Variants in SHANK2 observed in about 807,000 individuals in gnomAD.
The protein encoded by SHANK2 is SH3 and multiple ankyrin repeat domains protein 2.
SHANK2 carries 43 observed loss-of-function variants against 133.7 expected under a neutral mutation model. The ratio of observed to expected loss-of-function variants is 0.32; its 90% confidence interval spans 0.25 to 0.41. The LOEUF (loss-of-function observed/expected upper bound fraction) is 0.41, where lower values mean the gene tolerates loss of function less well. SHANK2 is among the 10% of genes least tolerant of loss of function. The probability of loss-of-function intolerance (pLI) is 1.00; values close to 1 mark genes in which losing one functional copy is unlikely to be tolerated. For missense variants in SHANK2, 1,994 were observed against 2,235.8 expected (o/e 0.89, Z 2.18); for synonymous variants, 1,017 against 952.8 (o/e 1.07, Z -1.24).
intron 14 of SHANK2, among the ~76,000 whole-genome samples, chr11:70,792,422 A>G (rs1947814847): frequency 6.6e-6 from 1 of 151,626 alleles, no homozygotes; most frequent in African/African-American, 2.4e-5. Context: ...CAACCAACCA[A>G]CCAACCAACC....
At chr11:70,756,841 A>T (rs1256447289) in intron 14 of SHANK2, among the ~76,000 whole-genome samples, 1 of 152,200 alleles carries the variant, frequency 6.6e-6, no homozygotes, top group Non-Finnish European at 1.5e-5. Flanking sequence ...CTTTACACAG[A>T]TCTGCAGCTT....
chr11:70,767,170 G>C (rs1449300393), intron 14 of SHANK2, among the ~76,000 whole-genome samples: 1 of 152,200 alleles, frequency 6.6e-6, no homozygotes, highest in Non-Finnish European at 1.5e-5. Context: ...CAAGCAGCTG[G>C]GAGAGCCTCA....
chr11:71,154,841 G>A (rs1173900849), intron 2 of SHANK2, among the ~76,000 whole-genome samples: 1 of 110,338 alleles, frequency 9.1e-6, no homozygotes. Context: ...CGCTCCCAGA[G>A]GAGGGATGGA....
chr11:70,822,933 A>G (rs112066250), intron 11 of SHANK2, among the ~76,000 whole-genome samples: 2 of 64,372 alleles, frequency 3.1e-5, no homozygotes, highest in Non-Finnish European at 2.9e-5. Flanking sequence ...GTCACGGGGG[A>G]CAGAGGTGGC....
At chr11:70,660,051 C>T in intron 16 of SHANK2, 99 bp from the exon 17 acceptor site, 2 of 1,501,556 alleles carry the variant, frequency 1.3e-6, no homozygotes, top group Non-Finnish European at 1.8e-6. Flanking sequence ...AGTGGGCCCA[C>T]TCATCTCCCA....
At chr11:70,483,536 CAAAAAAA>C (rs10590898) in intron 25 of SHANK2, among the ~76,000 whole-genome samples, 5 of 44,516 alleles carry the variant, frequency 1.1e-4, no homozygotes, top group African/African-American at 4.3e-4. Flanking sequence ...TCATCTCTAC[CAAAAAAA>C]AAAAAAAAAA....
At chr11:71,104,457 A>G (rs1297424505) in intron 6 of SHANK2, among the ~76,000 whole-genome samples, 2 of 152,212 alleles carry the variant, frequency 1.3e-5, no homozygotes, top group African/African-American at 4.8e-5. Flanking sequence ...GAGGATGCGT[A>G]TCCGTCCCTT....
In SHANK2 at chr11:70,500,097, G is replaced by A. The variant is rs1026490472; in HGVS notation, c.2308+473C>T. ...CCACACCAGCCCTGGGTGGGGAGGT[G>A]TAGCCAAAGGGCTCACACTGCTCCC... is the stretch of plus-strand genomic sequence containing the variant. On this transcript the variant is annotated intron_variant, in intron 21 of 25. Transcript: ENST00000601538. This position sits in a 1 kb window ranked among gnomAD's most constrained non-coding sequence, Gnocchi z 4.5. Among the ~76,000 whole-genome samples, 1 of 152,170 alleles carries A rather than the reference G, an allele frequency of 6.6e-6. No homozygotes were observed. The highest frequency in any genetic ancestry group is 2.4e-5 in the African/African-American group (1 of 41,450).
chr11:71,087,627 T>G (rs1951436125), intron 8 of SHANK2, among the ~76,000 whole-genome samples: 1 of 151,644 alleles, frequency 6.6e-6, no homozygotes, highest in South Asian at 2.1e-4. Flanking sequence ...TTTAGCTGGT[T>G]TTGTTGTTGT....
At chr11:70,927,919 G>A (rs554931268) in intron 10 of SHANK2, among the ~76,000 whole-genome samples, 4 of 152,220 alleles carry the variant, frequency 2.6e-5, no homozygotes, top group African/African-American at 7.2e-5. Context: ...AACACAAATC[G>A]TTTTCTGCCC....
At chr11:70,885,954 A>G (rs1949736023) in intron 11 of SHANK2, among the ~76,000 whole-genome samples, 1 of 152,236 alleles carries the variant, frequency 6.6e-6, no homozygotes, top group Non-Finnish European at 1.5e-5. Context: ...GGGAGAAAGT[A>G]GGACCACAGC....
intron 17 of SHANK2, among the ~76,000 whole-genome samples, chr11:70,527,432 T>C (rs574160858): frequency 2.8e-4 from 42 of 152,264 alleles, no homozygotes; most frequent in African/African-American, 1.0e-3. Context: ...CCCTGGGGAA[T>C]GGTGTGGGCT....
At chr11:71,128,824 C>T (rs1441824528) in intron 3 of SHANK2, among the ~76,000 whole-genome samples, 5 of 152,186 alleles carry the variant, frequency 3.3e-5, no homozygotes, top group Admixed American at 6.5e-5. Context: ...CTCACTCTTT[C>T]GCCAGGCTGG....
At chr11:71,139,966 C>T (rs1168936704) in intron 3 of SHANK2, among the ~76,000 whole-genome samples, 10 of 152,174 alleles carry the variant, frequency 6.6e-5, no homozygotes, top group African/African-American at 2.4e-4. Flanking sequence ...AAAGGGGCCG[C>T]CCAGGTGCTT....
chr11:71,181,823 C>T (rs576946900), intron 2 of SHANK2, among the ~76,000 whole-genome samples: 14 of 152,110 alleles, frequency 9.2e-5, no homozygotes, highest in East Asian at 7.8e-4. Flanking sequence ...GGTTCCCAGC[C>T]CCCCCTCCCC....
At chr11:71,204,056 C>G (rs943639864) in intron 2 of SHANK2, among the ~76,000 whole-genome samples, 4 of 152,208 alleles carry the variant, frequency 2.6e-5, no homozygotes, top group Admixed American at 2.6e-4. Context: ...AACAGCTTCA[C>G]TAAGGACTCT....
chr11:71,139,688 T>G (rs1952516143), intron 3 of SHANK2, among the ~76,000 whole-genome samples: 1 of 152,150 alleles, frequency 6.6e-6, no homozygotes, highest in African/African-American at 2.4e-5. Context: ...ACTCCACCAC[T>G]GTGCATTTGA....
chr11:70,640,407 C>T (rs1248842881), intron 17 of SHANK2, among the ~76,000 whole-genome samples: 1 of 152,208 alleles, frequency 6.6e-6, no homozygotes, highest in African/African-American at 2.4e-5. Context: ...CCGGAAGAGG[C>T]TGGGAAGGAT....
At chr11:70,519,790 C>G (rs1327570820) in intron 17 of SHANK2, among the ~76,000 whole-genome samples, 1 of 152,032 alleles carries the variant, frequency 6.6e-6, no homozygotes, top group Non-Finnish European at 1.5e-5. Flanking sequence ...GGCTGGAGTG[C>G]AGTGGCATGA....
Sources: allele counts gnomAD v4.1 joint callset (sites outside exome capture counted in the v4.1 genomes callset), GRCh38; gene constraint gnomAD v4.1.1; non-coding constraint Gnocchi (gnomAD v3.1); transcripts MANE v1.5; gene names NCBI Gene and HGNC (gene_info 2026-07-23, HGNC 2026-07-21).